The following LIMS1 variants were observed in gnomAD, a reference collection of about 807,000 sequenced individuals.
The protein encoded by LIMS1 is LIM zinc finger domain containing 1.
LIMS1 carries 18 observed loss-of-function variants against 44.1 expected under a neutral mutation model. The observed-to-expected ratio is 0.41, with a 90% CI of 0.28 to 0.61. The LOEUF (loss-of-function observed/expected upper bound fraction) is 0.61, where lower values mean the gene tolerates loss of function less well. Among genes scored for constraint, LIMS1 ranks in the 20% least tolerant of loss-of-function variants. The pLI is 0.32. For missense variants in LIMS1, 201 were observed against 422.0 expected (o/e 0.48, Z 4.59); for synonymous variants, 93 against 149.1 (o/e 0.62, Z 2.74).
intron 1 of LIMS1, among the ~76,000 whole-genome samples, chr2:108,546,151 G>A (rs904849542): frequency 3.9e-5 from 6 of 151,998 alleles, no homozygotes; most frequent in African/African-American, 1.2e-4. Context: ...ATTGTCTGTG[G>A]TATCTAGATA....
At chr2:108,550,828 A>C (rs969595588) in intron 1 of LIMS1, among the ~76,000 whole-genome samples, 3 of 145,306 alleles carry the variant, frequency 2.1e-5, no homozygotes, top group African/African-American at 5.2e-5. Flanking sequence ...AAAAAAAAAA[A>C]CCCAGCTTTA....
intron 1 of LIMS1, among the ~76,000 whole-genome samples, chr2:108,637,536 G>A (rs1016970642): frequency 6.6e-6 from 1 of 152,174 alleles, no homozygotes; most frequent in Non-Finnish European, 1.5e-5. Flanking sequence ...CACTACAGCC[G>A]TGTCAAGAGC....
intron 1 of LIMS1, among the ~76,000 whole-genome samples, chr2:108,551,037 G>A (rs1684671999): frequency 2.0e-5 from 3 of 151,722 alleles, no homozygotes; most frequent in African/African-American, 4.9e-5. Context: ...GCTGAGGTGC[G>A]AGGATCACTT....
chr2:108,620,238 C>G (rs919040057), intron 1 of LIMS1, among the ~76,000 whole-genome samples: 1 of 152,162 alleles, frequency 6.6e-6, no homozygotes, highest in African/African-American at 2.4e-5. Flanking sequence ...GAATAACTCT[C>G]TAGCTCTTAG....
At chr2:108,677,736 TCA>T (rs1692669628) in intron 7 of LIMS1, among the ~76,000 whole-genome samples, 1 of 152,242 alleles carries the variant, frequency 6.6e-6, no homozygotes, top group African/African-American at 2.4e-5. Flanking sequence ...CCATATGGAC[TCA>T]CAGATTTCTA....
At chr2:108,629,248 T>G (rs987851117) in intron 1 of LIMS1, among the ~76,000 whole-genome samples, 5 of 152,218 alleles carry the variant, frequency 3.3e-5, no homozygotes, top group African/African-American at 1.2e-4. Flanking sequence ...CATGTTGGCT[T>G]CTAATTTGTA....
intron 1 of LIMS1, among the ~76,000 whole-genome samples, chr2:108,626,116 G>A (rs1464761183): frequency 2.6e-5 from 4 of 152,232 alleles, no homozygotes; most frequent in South Asian, 2.1e-4. Context: ...TTCAGTCAAC[G>A]TTGGAGTAGC....
At chr2:108,594,145 A>G (rs1233435202) in intron 1 of LIMS1, among the ~76,000 whole-genome samples, 1 of 152,160 alleles carries the variant, frequency 6.6e-6, no homozygotes, top group East Asian at 1.9e-4. Flanking sequence ...TGGGAAGGAT[A>G]TGGTCGACAA....
At position 108,577,153 on chromosome 2, in the gene LIMS1, TA is replaced by T. The variant is rs767999466; in HGVS notation, c.32+42561del. On this transcript the variant is annotated intron_variant, in intron 1 of 9. Coordinates refer to ENST00000544547, the Ensembl canonical transcript of LIMS1. The stretch of plus-strand genomic sequence containing the variant: ...AACTATAAGCTCATTTGAAACTAGT[TA>T]ACTGAGTCTTATTGCTGTTGCCTGA... Among the ~76,000 whole-genome samples, 11 of 152,368 alleles carry T rather than the reference TA, an allele frequency of 7.2e-5. No individual in the cohort carries two copies. In the East Asian group the frequency reaches 1.9e-3, roughly 27 times the overall value.
chr2:108,544,750 CT>C (rs1351464980), intron 1 of LIMS1, among the ~76,000 whole-genome samples: 1 of 152,136 alleles, frequency 6.6e-6, no homozygotes, highest in Non-Finnish European at 1.5e-5. Context: ...CCACTTTGGC[CT>C]CCCAAAGTGC....
chr2:108,661,372 A>G (rs1000735770), intron 2 of LIMS1, among the ~76,000 whole-genome samples: 2 of 151,382 alleles, frequency 1.3e-5, no homozygotes, highest in African/African-American at 4.9e-5. Flanking sequence ...TTAGGCCTCC[A>G]AACATGCTCT....
chr2:108,581,762 A>AC (rs1234781058), intron 1 of LIMS1, among the ~76,000 whole-genome samples: 1 of 152,098 alleles, frequency 6.6e-6, no homozygotes, highest in East Asian at 1.9e-4. Flanking sequence ...ACGTGGTGAA[A>AC]CCCCATCGCT....
intron 1 of LIMS1, among the ~76,000 whole-genome samples, chr2:108,550,214 G>A (rs906944119): frequency 2.6e-5 from 4 of 152,086 alleles, no homozygotes; most frequent in Non-Finnish European, 2.9e-5. Flanking sequence ...ATAAACAGCT[G>A]GCTGGGCGCG....
chr2:108,602,081 T>A (rs958761079), intron 1 of LIMS1, among the ~76,000 whole-genome samples: 2 of 152,240 alleles, frequency 1.3e-5, no homozygotes, highest in African/African-American at 4.8e-5. Flanking sequence ...ATGGGAGTAC[T>A]TTTTAAATTT....
chr2:108,681,641 C>T (rs1163360320), intron 9 of LIMS1: 28 of 948,194 alleles, frequency 3.0e-5, no homozygotes, highest in Admixed American at 6.2e-5. Flanking sequence ...TTCAGCATGG[C>T]GAGGCATGGT....
intron 1 of LIMS1, among the ~76,000 whole-genome samples, chr2:108,603,220 C>T (rs1333796707): frequency 6.6e-6 from 1 of 152,164 alleles, no homozygotes; most frequent in East Asian, 1.9e-4. Flanking sequence ...AGTAGTTCTT[C>T]TTTAAATGTC....
chr2:108,569,609 G>T (rs1685412565), intron 1 of LIMS1, among the ~76,000 whole-genome samples: 1 of 151,904 alleles, frequency 6.6e-6, no homozygotes, highest in Non-Finnish European at 1.5e-5. Flanking sequence ...GTTGTTTGTT[G>T]TTTTTGAGAC....
chr2:108,612,420 C>T lies in LIMS1; in HGVS notation c.33-47185C>T, dbSNP rs79572183. Among the ~76,000 whole-genome samples the T allele has an allele frequency of 2.0e-5, 3 of 151,968 alleles. No homozygotes were observed. The East Asian group carries it at 5.8e-4, about 29-fold the overall frequency. ...CAGTGCGTGTTGCTGTTCAACAGTACCCTTGGTTTCAGCGTAGTTGCTATG... is the reference window on the plus strand; with the variant it reads ...CAGTGCGTGTTGCTGTTCAACAGTATCCTTGGTTTCAGCGTAGTTGCTATG... On this transcript the variant is annotated intron_variant, in intron 1 of 9. Transcript: ENST00000544547.
chr2:108,630,786 A>G (rs1164417580), intron 1 of LIMS1, among the ~76,000 whole-genome samples: 2 of 152,178 alleles, frequency 1.3e-5, no homozygotes, highest in Non-Finnish European at 1.5e-5. Context: ...TGGCTCTAGC[A>G]TGAGTAATTT....
Sources: gnomAD v4.1 joint callset for allele counts (sites outside exome capture counted in the v4.1 genomes callset) on GRCh38, gnomAD v4.1.1 for gene constraint, MANE v1.5 for transcripts, NCBI Gene and HGNC (gene_info 2026-07-23, HGNC 2026-07-21) for gene names.